Variants in STK31 observed in about 807,000 individuals in gnomAD.
STK31 encodes the protein serine/threonine kinase 31, also known as serine/threonine-protein kinase 31.
In STK31, 89 loss-of-function variants were observed where a neutral mutation model predicts 129.7. That is an observed-to-expected ratio of 0.69 (90% CI 0.58 to 0.82). The LOEUF (loss-of-function observed/expected upper bound fraction) is 0.82. Ranked by LOEUF, STK31 falls within the 40% of genes least tolerant of loss-of-function variation. STK31 has a pLI of 0.00. For missense variants in STK31, 1,187 were observed against 1,176.4 expected (o/e 1.01, Z -0.13); for synonymous variants, 448 against 395.3 (o/e 1.13, Z -1.58).
intron 22 of STK31, chr7:23,811,504 G>T (rs1246977100): frequency 7.2e-6 from 2 of 278,194 alleles, no homozygotes; most frequent in Non-Finnish European, 1.5e-5. Context: ...CTTCAGTAGA[G>T]GCATTTCCAC....
chr7:23,727,493 A>G (rs1787154807), intron 5 of STK31, 178 bp downstream of exon 5: 1 of 515,384 alleles, frequency 1.9e-6, no homozygotes, highest in Non-Finnish European at 3.5e-6. Context: ...ACCTCAGATT[A>G]TTCAAGAATA....
At chr7:23,787,879 A>G (rs974918467) in intron 20 of STK31, 101 bp from the exon 21 acceptor site, 7 of 1,171,142 alleles carry the variant, frequency 6.0e-6, no homozygotes, top group Middle Eastern at 2.2e-4. Flanking sequence ...ATTTCGAGGA[A>G]ACTTTACTCA....
chr7:23,723,684 G>A (rs577836541), intron 4 of STK31, among the ~76,000 whole-genome samples: 1 of 152,244 alleles, frequency 6.6e-6, no homozygotes, highest in South Asian at 2.1e-4. Context: ...TATGAATAGT[G>A]GAGTTGTGGG....
chr7:23,713,641 A>G (rs1178629829), intron 3 of STK31, among the ~76,000 whole-genome samples: 2 of 152,134 alleles, frequency 1.3e-5, no homozygotes, highest in East Asian at 1.9e-4. Flanking sequence ...TTTTTACTTT[A>G]AAAACTTTTT....
intron 15 of STK31, among the ~76,000 whole-genome samples, chr7:23,773,886 G>A (rs557984136): frequency 1.1e-4 from 16 of 151,872 alleles, no homozygotes; most frequent in African/African-American, 3.9e-4. Context: ...CCATTAACTA[G>A]TCATTTACAT....
Position 23,769,194 on chromosome 7 carries a change from G to A in STK31, c.1596+20G>A, listed in dbSNP as rs774458992. On this transcript the variant is annotated intron_variant, in intron 12 of 23. Coordinates refer to ENST00000355870, the MANE Select transcript of STK31 (RefSeq NM_031414.5). ...TTAAAGGTAATAAAAGCTCCTGCCC[G>A]GTTGTGTTTGTAGCATAAACCAGGG... 24 of 1,514,302 alleles carry A rather than the reference G, an allele frequency of 1.6e-5. No homozygotes were observed. The highest frequency in any genetic ancestry group is 5.8e-5 in the South Asian group (4 of 69,510). The allele number at this position is 1,514,302 out of a possible 1,614,324, so 93.8% of individuals were successfully genotyped here. A position where few individuals can be genotyped will look rare whatever the true frequency, so the allele number is the denominator to read the frequency against.
At position 23,788,052 on chromosome 7, in the gene STK31, T is replaced by C. The variant is rs1319172072; in HGVS notation, c.2560T>C (p.Ser854Pro). Residue 854 changes from serine to proline, a missense_variant, in exon 21 of 24, where the codon TCA (serine) becomes CCA (proline). By Grantham distance (74) the Ser-to-Pro change is moderately conservative (BLOSUM62 -1). Around this residue, in one of 5 missense-constraint regions of STK31, gnomAD observed 975 missense variants for 934.9 expected, o/e 1.04. Transcript: ENST00000355870. ...GCATAAGGCTGACATAATTCATGGA[T>C]CACTTCATCAGAACAATGTATTTGC... ...TLHKADIIHG[S>P]LHQNNVFALN... 1 of 1,612,562 alleles carries C rather than the reference T, an allele frequency of 6.2e-7. No homozygotes were observed. The highest frequency in any genetic ancestry group is 1.3e-5 in the African/African-American group (1 of 74,976).
At chr7:23,827,130 T>C (rs1287563298) in intron 23 of STK31, among the ~76,000 whole-genome samples, 16 of 152,294 alleles carry the variant, frequency 1.1e-4, no homozygotes, top group Non-Finnish European at 1.6e-4. Flanking sequence ...TTTCCTGAAT[T>C]TGAATGTTGG....
chr7:23,785,049 T>C (rs543284512), intron 17 of STK31, among the ~76,000 whole-genome samples: 1 of 152,326 alleles, frequency 6.6e-6, no homozygotes, highest in East Asian at 1.9e-4. Flanking sequence ...ATAAGTTCTT[T>C]AGTGGTGATT....
intron 23 of STK31, among the ~76,000 whole-genome samples, chr7:23,825,672 T>G (rs910887186): frequency 3.9e-5 from 6 of 152,236 alleles, no homozygotes; most frequent in Non-Finnish European, 7.3e-5. Flanking sequence ...GCTCCTCTAG[T>G]TCTTTTAATT....
At chr7:23,714,904 AGT>A (rs1165324031) in intron 3 of STK31, among the ~76,000 whole-genome samples, 1 of 152,164 alleles carries the variant, frequency 6.6e-6, no homozygotes, top group African/African-American at 2.4e-5. Context: ...AATGTGAATG[AGT>A]GTGTGTAGCT....
intron 23 of STK31, among the ~76,000 whole-genome samples, chr7:23,820,236 G>A (rs1290088233): frequency 3.3e-5 from 5 of 152,186 alleles, no homozygotes; most frequent in Non-Finnish European, 5.9e-5. Flanking sequence ...TAAAATCTAC[G>A]CATACCCAAG....
chr7:23,788,362 T>C (rs1016943086), intron 21 of STK31, among the ~76,000 whole-genome samples: 1 of 152,172 alleles, frequency 6.6e-6, no homozygotes, highest in African/African-American at 2.4e-5. Context: ...CTCAATGGCA[T>C]TGACAACATT....
chr7:23,733,239 G>A (rs866858008), intron 6 of STK31, among the ~76,000 whole-genome samples: 2 of 151,858 alleles, frequency 1.3e-5, no homozygotes, highest in Admixed American at 6.6e-5. Flanking sequence ...AAGTATTTTC[G>A]TGTTTTGTGG....
rs944993935 is a variant in STK31 at position 23,804,730 on chromosome 7, A to C, written c.2761-10414A>C. Among the ~76,000 whole-genome samples the C allele has an allele frequency of 5.9e-5, 9 of 152,308 alleles. No individual in the cohort carries two copies. The East Asian group carries it at 1.7e-3, about 29-fold the overall frequency. On this transcript the variant is annotated intron_variant, in intron 22 of 23. Transcript: ENST00000355870. ...TTATGTAATTTCAGTCACTTCCCCA[A>C]ACCAGGATTTTGTGAATCTCTACAA...
intron 5 of STK31, chr7:23,727,750 C>T (rs751535162): frequency 1.7e-4 from 29 of 166,136 alleles, no homozygotes; most frequent in Non-Finnish European, 5.1e-5. Context: ...TTAGTAGAGA[C>T]GGGGTTTCAC....
At chr7:23,780,167 C>A (rs1309302158) in intron 15 of STK31, among the ~76,000 whole-genome samples, 1 of 152,030 alleles carries the variant, frequency 6.6e-6, no homozygotes, top group East Asian at 1.9e-4. Context: ...TAGGCTGCAC[C>A]CACTGTCTAA....
intron 22 of STK31, among the ~76,000 whole-genome samples, chr7:23,808,169 A>ATT (rs1554297151): frequency 0.18 from 26,151 of 146,222 alleles, 2,613 homozygotes; most frequent in Middle Eastern, 0.25. Context: ...ATATATATAT[A>ATT]TTTTTTGTAG....
In STK31 at chr7:23,832,336, A is replaced by C. The variant is rs763261025; in HGVS notation, c.3030A>C (p.Thr1010=). 3 of 1,611,510 alleles carry C rather than the reference A, an allele frequency of 1.9e-6. No individual in the cohort carries two copies. The highest frequency in any genetic ancestry group is 2.5e-6 in the Non-Finnish European group (3 of 1,179,594). The change falls in exon 24 of 24, where the codon ACA becomes ACC. Residue 1010 remains threonine (T), a synonymous_variant. Coordinates refer to ENST00000355870, the MANE Select transcript of STK31 (RefSeq NM_031414.5). ...ACTTGGATAAATGTATGGAGAAGAC[A>C]AGAAATGGTGAAGCCAACTTTGATT... ...TENLDKCMEK[T]RNGEANFDC
Sources: allele counts gnomAD v4.1 joint callset (sites outside exome capture counted in the v4.1 genomes callset), GRCh38; gene constraint gnomAD v4.1.1; regional missense constraint gnomAD v4.1.1; transcripts MANE v1.5; gene names NCBI Gene and HGNC (gene_info 2026-07-23, HGNC 2026-07-21).